GABRG1: variants seen among roughly 807,000 people sequenced by gnomAD.
GABRG1 encodes the protein gamma-aminobutyric acid type A receptor subunit gamma1, also known as gamma-aminobutyric acid receptor subunit gamma-1.
In GABRG1, 49 loss-of-function variants were observed where a neutral mutation model predicts 49.8. The observed-to-expected ratio is 0.98, with a 90% confidence interval of 0.78 to 1.25. The LOEUF is 1.25. Ranked by LOEUF, GABRG1 falls within the 50% of genes most tolerant of loss-of-function variation. The pLI is 0.00. For synonymous variants in GABRG1, 232 were observed against 185.1 expected (o/e 1.25, Z -2.06); for missense variants, 552 against 552.3 (o/e 1.00, Z 0.01).
At position 46,051,495 on chromosome 4, in the gene GABRG1, AG is replaced by A. The variant is rs749815639; in HGVS notation, c.1059del (p.Leu354CysfsTer19). ...FVFAALMEYG[T>X]LHYFTSNQKG... ...TTTTGGTTGCTGGTAAAATAATGCA[AG>A]GTTCCATATTCCATCAAGGCTGCAA... On this transcript the variant is annotated frameshift_variant, in exon 8 of 9. Coordinates refer to ENST00000295452, the MANE Select transcript of GABRG1 (RefSeq NM_173536.4). LOFTEE classifies it high-confidence loss of function. 3.1e-6 allele frequency: 5 copies of A among 1,611,226 alleles called. No homozygotes were observed. Among genetic ancestry groups the A allele is most frequent in the Non-Finnish European group, 4.2e-6 (5 of 1,178,440 alleles).
chr4:46,113,339 G>A (rs1374854349), intron 1 of GABRG1, among the ~76,000 whole-genome samples: 1 of 151,052 alleles, frequency 6.6e-6, no homozygotes. Flanking sequence ...AGAAGGAAAG[G>A]TGCTGAGAGA....
At chr4:46,077,185 G>A (rs533288799) in intron 3 of GABRG1, among the ~76,000 whole-genome samples, 11 of 151,158 alleles carry the variant, frequency 7.3e-5, no homozygotes, top group African/African-American at 2.7e-4. Flanking sequence ...AGCATTAGGA[G>A]ATATACCTAA....
chr4:46,071,079 C>T (rs536699838), intron 3 of GABRG1, among the ~76,000 whole-genome samples: 8 of 152,102 alleles, frequency 5.3e-5, no homozygotes, highest in East Asian at 1.9e-4. Flanking sequence ...GCCATTCTAA[C>T]GTCCTAGCAC....
rs964896860 is a variant in GABRG1, at chr4:46,038,800, T to C, written c.*2188A>G. 6.6e-6 allele frequency: 1 copy of C among 151,772 alleles called. No homozygotes were observed. Among genetic ancestry groups the C allele is most frequent in the Non-Finnish European group, 1.5e-5 (1 of 67,746 alleles). 9.4% of individuals were successfully genotyped at this position (151,772 alleles called of 1,614,324 possible). A position where few individuals can be genotyped will look rare whatever the true frequency, so the allele number is the denominator to read the frequency against. ...TGAAAACAAAGTGCTTGCTTGATGGTATATACAAGGAAAGGCATCTTTCAT... is the reference window on the plus strand; with the variant it reads ...TGAAAACAAAGTGCTTGCTTGATGGCATATACAAGGAAAGGCATCTTTCAT... On this transcript the variant is annotated 3_prime_UTR_variant, in exon 9 of 9. Coordinates refer to ENST00000295452, the MANE Select transcript of GABRG1 (RefSeq NM_173536.4).
chr4:46,094,998 G>GA (rs1331676548), intron 2 of GABRG1, among the ~76,000 whole-genome samples: 7 of 151,634 alleles, frequency 4.6e-5, no homozygotes, highest in Non-Finnish European at 7.4e-5. Flanking sequence ...TTAGGAATAA[G>GA]AAAAAATCAC....
rs372378603 is a variant in GABRG1 at position 46,041,051 on chromosome 4, T to C, written c.1335A>G (p.Ile445Met). 4.3e-6 allele frequency: 7 copies of C among 1,612,770 alleles called. No individual in the cohort carries two copies. The South Asian group carries it at 5.5e-5, about 13-fold the overall frequency. ...RIAKIDSYSR[I>M]FFPTAFALFN... The stretch of plus-strand genomic sequence containing the variant: ...ACAGGGCAAAAGCGGTTGGGAAAAA[T>C]ATTCTAGAATAAGAGTCAATTTTGG... The change falls in exon 9 of 9, where the codon ATA (isoleucine) becomes ATG (methionine). Residue 445 changes from isoleucine to methionine, a missense_variant. Transcript: ENST00000295452.
intron 7 of GABRG1, among the ~76,000 whole-genome samples, chr4:46,054,133 G>A (rs1718351715): frequency 2.0e-5 from 1 of 51,092 alleles, no homozygotes; most frequent in Admixed American, 2.1e-4. Flanking sequence ...GTTTTTCTCA[G>A]GTTTGTCAAA....
chr4:46,073,461 G>C (rs1161554550), intron 3 of GABRG1, among the ~76,000 whole-genome samples: 2 of 152,018 alleles, frequency 1.3e-5, no homozygotes, highest in Non-Finnish European at 2.9e-5. Flanking sequence ...ACAATTAGTA[G>C]TTTTGGTCAC....
intron 1 of GABRG1, among the ~76,000 whole-genome samples, chr4:46,099,031 A>G (rs892473568): frequency 1.3e-5 from 2 of 151,756 alleles, no homozygotes; most frequent in African/African-American, 2.4e-5. Context: ...CAAAGAATTT[A>G]CTATATTATT....
At chr4:46,042,269 A>C (rs758634335) in intron 8 of GABRG1, among the ~76,000 whole-genome samples, 1 of 152,010 alleles carries the variant, frequency 6.6e-6, no homozygotes, top group African/African-American at 2.4e-5. Flanking sequence ...TGCTAAGATA[A>C]ACATACAAAC....
intron 1 of GABRG1, among the ~76,000 whole-genome samples, chr4:46,099,592 A>G (rs759583450): frequency 5.9e-5 from 9 of 151,770 alleles, no homozygotes; most frequent in Non-Finnish European, 7.4e-5. Flanking sequence ...GTTAAGTAAC[A>G]TACGCCTCAG....
chr4:46,112,829 T>A (rs2109441987), intron 1 of GABRG1, among the ~76,000 whole-genome samples: 1 of 151,218 alleles, frequency 6.6e-6, no homozygotes, highest in Non-Finnish European at 1.5e-5. Context: ...CATTGGGTAC[T>A]ATGATTCGTA....
intron 1 of GABRG1, among the ~76,000 whole-genome samples, chr4:46,118,132 G>GTATATATATACA (rs1553884496): frequency 9.1e-6 from 1 of 109,984 alleles, no homozygotes; most frequent in Non-Finnish European, 1.7e-5. Flanking sequence ...GTGTGTGTGT[G>GTATATATATACA]TATATATATA....
Position 46,065,509 on chromosome 4 carries a change from G to A in GABRG1, c.397C>T (p.Leu133Phe). ...CCAACCATATTACTGTTAAGCATAA[G>A]CACTTTCATGGTACTATTGAATTTT... ...RLKFNSTMKV[L>F]MLNSNMVGKI... Residue 133 changes from leucine (L) to phenylalanine (F), a missense_variant, in exon 4 of 9, where the codon CTT (leucine) becomes TTT (phenylalanine). Physicochemically the swap from Leu to Phe is conservative, Grantham distance 22 (BLOSUM62 0). Transcript: ENST00000295452. 22 of 1,609,614 alleles carry A rather than the reference G, an allele frequency of 1.4e-5. No individual in the cohort carries two copies. Among genetic ancestry groups the A allele is most frequent in the Non-Finnish European group, 1.9e-5 (22 of 1,176,348 alleles).
intron 1 of GABRG1, among the ~76,000 whole-genome samples, chr4:46,109,204 G>A (rs1259561533): frequency 6.6e-6 from 1 of 150,698 alleles, no homozygotes; most frequent in Non-Finnish European, 1.5e-5. Flanking sequence ...GAAACTCAGT[G>A]ATGGTCTGTT....
chr4:46,043,113 TAGG>T (rs1336983633), intron 8 of GABRG1, among the ~76,000 whole-genome samples: 1 of 151,954 alleles, frequency 6.6e-6, no homozygotes, highest in East Asian at 1.9e-4. Context: ...AAAAAATTGT[TAGG>T]AGGCAATTTT....
chr4:46,104,701 T>A (rs146488842), intron 1 of GABRG1, among the ~76,000 whole-genome samples: 4 of 151,480 alleles, frequency 2.6e-5, no homozygotes, highest in African/African-American at 9.7e-5. Flanking sequence ...CTTTAAACAA[T>A]TATAACAATT....
chr4:46,099,049 TATA>T (rs1217938939), intron 1 of GABRG1, among the ~76,000 whole-genome samples: 4 of 151,782 alleles, frequency 2.6e-5, no homozygotes, highest in Non-Finnish European at 4.4e-5. Flanking sequence ...ATTTCATCGT[TATA>T]ATAATTATAT....
At chr4:46,061,748 C>G (rs556744342) in intron 5 of GABRG1, among the ~76,000 whole-genome samples, 3 of 148,118 alleles carry the variant, frequency 2.0e-5, no homozygotes, top group Non-Finnish European at 4.4e-5. Flanking sequence ...CACTACACAG[C>G]TACAGGAATG....
Sources: allele counts gnomAD v4.1 joint callset (sites outside exome capture counted in the v4.1 genomes callset), GRCh38; gene constraint gnomAD v4.1.1; transcripts MANE v1.5; gene names NCBI Gene and HGNC (gene_info 2026-07-23, HGNC 2026-07-21).